SAMD8: variants seen among roughly 807,000 people sequenced by gnomAD.
The protein encoded by SAMD8 is sterile alpha motif domain containing 8, also known as sphingomyelin synthase-related protein 1.
Under a neutral mutation model 42.0 loss-of-function variants are expected in SAMD8, and 20 were observed. The observed-to-expected ratio is 0.48, with a 90% CI of 0.34 to 0.69. The LOEUF is 0.69. Ranked by LOEUF, SAMD8 falls within the 30% of genes least tolerant of loss-of-function variation. SAMD8 has a pLI of 0.01. For missense variants in SAMD8, 328 were observed against 511.6 expected (o/e 0.64, Z 3.46); for synonymous variants, 162 against 173.0 (o/e 0.94, Z 0.50).
At chr10:75,164,469 G>C in intron 2 of SAMD8, 176 bp from the exon 3 acceptor site, 1 of 977,256 alleles carries the variant, frequency 1.0e-6, no homozygotes, top group Non-Finnish European at 1.2e-6. Context: ...TCCGATAGGT[G>C]GGGGTACTTT....
chr10:75,154,120 G>T (rs2938852), intron 2 of SAMD8, among the ~76,000 whole-genome samples: 37,916 of 152,048 alleles, frequency 0.25, 5,246 homozygotes, highest in East Asian at 0.59. Context: ...ACAGGATGGA[G>T]TGGATAAAAT....
At chr10:75,115,723 G>A (rs995082674) in intron 1 of SAMD8, among the ~76,000 whole-genome samples, 7 of 151,926 alleles carry the variant, frequency 4.6e-5, no homozygotes, top group African/African-American at 1.5e-4. Flanking sequence ...GGCGGATCAC[G>A]AGGCCAGGAG....
intron 1 of SAMD8, among the ~76,000 whole-genome samples, chr10:75,150,083 TC>T (rs1434123474): frequency 6.1e-4 from 93 of 151,244 alleles, no homozygotes; most frequent in African/African-American, 2.1e-3. Context: ...TACATCTCTC[TC>T]TCTCTCTCTA....
At chr10:75,166,903 A>G (rs1360556202) in intron 3 of SAMD8, among the ~76,000 whole-genome samples, 2 of 152,240 alleles carry the variant, frequency 1.3e-5, no homozygotes, top group Non-Finnish European at 2.9e-5. Flanking sequence ...TACCACTTTC[A>G]TTAGAATCAC....
chr10:75,162,107 C>G (rs1282794099), intron 2 of SAMD8, among the ~76,000 whole-genome samples: 1 of 152,124 alleles, frequency 6.6e-6, no homozygotes. Flanking sequence ...ACCTGTAATC[C>G]TAGCACTTCT....
chr10:75,147,287 AAAT>A (rs1840160638), intron 1 of SAMD8, among the ~76,000 whole-genome samples: 1 of 152,176 alleles, frequency 6.6e-6, no homozygotes, highest in African/African-American at 2.4e-5. Flanking sequence ...AACAGACTAG[AAAT>A]AATGTGACTG....
At chr10:75,174,898 A>G (rs908231689) in intron 4 of SAMD8, among the ~76,000 whole-genome samples, 2 of 152,122 alleles carry the variant, frequency 1.3e-5, no homozygotes, top group Admixed American at 1.3e-4. Context: ...TAAACACACA[A>G]TGGTTTATTC....
intron 1 of SAMD8, among the ~76,000 whole-genome samples, chr10:75,120,372 T>C (rs1786203040): frequency 6.6e-6 from 1 of 151,414 alleles, no homozygotes; most frequent in Admixed American, 6.6e-5. Context: ...CCCAGGTTCA[T>C]GCCATTCTCC....
chr10:75,166,738 C>T (rs145708996), intron 3 of SAMD8, among the ~76,000 whole-genome samples: 2 of 152,278 alleles, frequency 1.3e-5, no homozygotes, highest in East Asian at 3.9e-4. Flanking sequence ...TTAACTTTGC[C>T]TCACAAGATC....
At chr10:75,109,818 T>TTTTG (rs1554856164), upstream of SAMD8, among the ~76,000 whole-genome samples, 29 of 150,200 alleles carry the variant, frequency 1.9e-4, no homozygotes, top group East Asian at 2.0e-3. Flanking sequence ...AAGGTGTTTT[T>TTTTG]TTTTGTTTTG....
At chr10:75,169,778 G>A (rs183659462) in intron 4 of SAMD8, among the ~76,000 whole-genome samples, 58 of 152,094 alleles carry the variant, frequency 3.8e-4, no homozygotes, top group Non-Finnish European at 5.1e-4. Context: ...TCGTGGTGAC[G>A]GGCACCTGTA....
intron 4 of SAMD8, among the ~76,000 whole-genome samples, chr10:75,173,573 T>C (rs1482477847): frequency 6.6e-6 from 1 of 152,244 alleles, no homozygotes; most frequent in Non-Finnish European, 1.5e-5. Context: ...CCTACCAGTC[T>C]CTTCTGTTTA....
At chr10:75,103,670 A>G (rs1848317254) in intron 1 of SAMD8, among the ~76,000 whole-genome samples, 1 of 152,194 alleles carries the variant, frequency 6.6e-6, no homozygotes, top group Non-Finnish European at 1.5e-5. Flanking sequence ...CTGCAGCCAT[A>G]CCTGCACTGG....
chr10:75,115,833 C>T (rs546945039), intron 1 of SAMD8, among the ~76,000 whole-genome samples: 6 of 150,570 alleles, frequency 4.0e-5, no homozygotes, highest in African/African-American at 1.2e-4. Context: ...CCCAGCTACT[C>T]AGGAGGCTGA....
chr10:75,130,481 G>C (rs1055421998), intron 1 of SAMD8, among the ~76,000 whole-genome samples: 36 of 152,152 alleles, frequency 2.4e-4, no homozygotes, highest in African/African-American at 8.2e-4. Flanking sequence ...ACTCCAGCCT[G>C]GGCAACAAGA....
chr10:75,148,894 A>C (rs968127826), intron 1 of SAMD8, among the ~76,000 whole-genome samples: 1 of 152,230 alleles, frequency 6.6e-6, no homozygotes, highest in Non-Finnish European at 1.5e-5. Context: ...ATATAGAGAA[A>C]AGTATAGATC....
At chr10:75,131,062 C>G (rs1424894248) in intron 1 of SAMD8, among the ~76,000 whole-genome samples, 8 of 152,194 alleles carry the variant, frequency 5.3e-5, no homozygotes, top group African/African-American at 1.9e-4. Flanking sequence ...ACCCTCAAAA[C>G]AACTAGGCAA....
intron 1 of SAMD8, among the ~76,000 whole-genome samples, chr10:75,136,269 C>T (rs1224340279): frequency 6.6e-6 from 1 of 152,016 alleles, no homozygotes; most frequent in East Asian, 1.9e-4. Flanking sequence ...GTCTTTTTCC[C>T]CTGTCACTAA....
At chr10:75,140,905 C>G (rs1219037480) in intron 1 of SAMD8, among the ~76,000 whole-genome samples, 1 of 152,140 alleles carries the variant, frequency 6.6e-6, no homozygotes, top group African/African-American at 2.4e-5. Context: ...AGGTGTTCGT[C>G]TTAGCAGTGT....
Sources: gnomAD v4.1 joint callset for allele counts (sites outside exome capture counted in the v4.1 genomes callset) on GRCh38, gnomAD v4.1.1 for gene constraint, MANE v1.5 for transcripts, NCBI Gene and HGNC (gene_info 2026-07-23, HGNC 2026-07-21) for gene names.